The following FBXL2 variants were observed in gnomAD, a reference collection of about 807,000 sequenced individuals.
FBXL2 encodes F-box/LRR-repeat protein 2.
FBXL2 carries 38 observed loss-of-function variants against 69.2 expected under a neutral mutation model. The observed-to-expected ratio is 0.55, with a 90% CI of 0.42 to 0.72. The LOEUF is 0.72. Ranked by LOEUF, FBXL2 falls within the 30% of genes least tolerant of loss-of-function variation. The pLI, the probability that FBXL2 is intolerant of heterozygous loss-of-function variation, is 0.00. For missense variants in FBXL2, 354 were observed against 520.3 expected, an observed-to-expected ratio of 0.68 and a Z score of 3.11; for synonymous variants, 192 against 201.3, an observed-to-expected ratio of 0.95 and a Z score of 0.39.
chr3:33,384,965 T>C (rs1468711591), intron 14 of FBXL2, among the ~76,000 whole-genome samples: 2 of 151,696 alleles, frequency 1.3e-5, no homozygotes, highest in African/African-American at 4.8e-5. Context: ...GAGGTGGAGG[T>C]TGCAGTGAGC....
At chr3:33,372,954 G>C (rs984628996) in intron 5 of FBXL2, 138 bp from the exon 6 acceptor site, 5 of 755,434 alleles carry the variant, frequency 6.6e-6, no homozygotes, top group Non-Finnish European at 1.2e-5. Flanking sequence ...AATCTGCACT[G>C]TGACAAGAAC....
chr3:33,305,734 T>G (rs1246815773), intron 2 of FBXL2, among the ~76,000 whole-genome samples: 1 of 151,996 alleles, frequency 6.6e-6, no homozygotes, highest in Non-Finnish European at 1.5e-5. Flanking sequence ...ATGAATAGTA[T>G]TTTTCAAGCT....
intron 14 of FBXL2, 73 bp downstream of exon 14, chr3:33,384,274 C>T (rs182135713): frequency 9.2e-5 from 135 of 1,470,304 alleles, no homozygotes; most frequent in South Asian, 1.4e-4. Context: ...AGAATCAGAC[C>T]GGGGCTAGGC....
the FBXL2 span, among the ~76,000 whole-genome samples, chr3:33,419,247 C>T: frequency 6.6e-6 from 1 of 152,126 alleles, no homozygotes; most frequent in Non-Finnish European, 1.5e-5. Context: ...GTAATCCTAG[C>T]ACTTTGGGAG....
At chr3:33,313,844 C>G (rs905140591) in intron 2 of FBXL2, among the ~76,000 whole-genome samples, 2 of 152,144 alleles carry the variant, frequency 1.3e-5, no homozygotes, top group African/African-American at 4.8e-5. Context: ...GAAGATATCT[C>G]AGGTGTTAAT....
chr3:33,369,599 A>G (rs938220816), intron 5 of FBXL2, among the ~76,000 whole-genome samples: 2 of 151,780 alleles, frequency 1.3e-5, no homozygotes, highest in African/African-American at 4.8e-5. Context: ...TAAGAGATTT[A>G]TTATTATCAT....
chr3:33,378,572 G>C, intron 12 of FBXL2, 113 bp from the exon 13 acceptor site: 1 of 1,067,580 alleles, frequency 9.4e-7, no homozygotes, highest in Non-Finnish European at 1.4e-6. Flanking sequence ...CAGAGTGTTT[G>C]AGATGAGTTT....
At chr3:33,337,544 G>C (rs1268894996) in intron 2 of FBXL2, among the ~76,000 whole-genome samples, 1 of 152,146 alleles carries the variant, frequency 6.6e-6, no homozygotes, top group East Asian at 1.9e-4. Flanking sequence ...TTCATGGAAG[G>C]ATAAATTGGC....
At chr3:33,338,241 C>G (rs1251002272) in intron 2 of FBXL2, among the ~76,000 whole-genome samples, 1 of 151,870 alleles carries the variant, frequency 6.6e-6, no homozygotes, top group Non-Finnish European at 1.5e-5. Flanking sequence ...GTGAAACCCT[C>G]TCTCTACTAA....
chr3:33,378,685 A>G lies in FBXL2; in HGVS notation c.895A>G (p.Ile299Val), dbSNP rs1198018362. Residue 299 changes from isoleucine to valine, a missense_variant and splice_region_variant, in exon 13 of 15, where the codon ATA (isoleucine) becomes GTA (valine). Physicochemically the swap from Ile to Val is conservative, Grantham distance 29. Coordinates refer to ENST00000484457, the MANE Select transcript of FBXL2 (RefSeq NM_012157.5). ...EKMDLEECIL[I>V]TDSTLIQLSI... ...ACTGACACAGCATGTTTCTCTCCAG[A>G]TAACCGACAGCACACTCATCCAGCT... 6.2e-7 allele frequency: 1 copy of G among 1,612,620 alleles called. No homozygotes were observed. The highest frequency in any genetic ancestry group is 1.1e-5 in the South Asian group (1 of 90,508).
At chr3:33,371,470 C>T (rs114305960) in intron 5 of FBXL2, among the ~76,000 whole-genome samples, 1,979 of 152,010 alleles carry the variant, frequency 0.013, 42 homozygotes, top group African/African-American at 0.045. Context: ...TGCATCTGGC[C>T]GGTTTTCATA....
At chr3:33,321,290 A>C (rs191232042) in intron 2 of FBXL2, among the ~76,000 whole-genome samples, 1,902 of 151,470 alleles carry the variant, frequency 0.013, 37 homozygotes, top group African/African-American at 0.044. Context: ...AGCCTGGGTG[A>C]CAGAGCCTGA....
At chr3:33,343,123 A>T (rs1428768873) in intron 2 of FBXL2, among the ~76,000 whole-genome samples, 1 of 151,818 alleles carries the variant, frequency 6.6e-6, no homozygotes, top group Non-Finnish European at 1.5e-5. Context: ...GCAGGTACTC[A>T]TGAATTAGTA....
chr3:33,356,515 A>G, intron 2 of FBXL2, among the ~76,000 whole-genome samples: 1 of 151,960 alleles, frequency 6.6e-6, no homozygotes, highest in Middle Eastern at 3.2e-3. Context: ...ACGCCCAGCT[A>G]ATTTTTATAT....
At chr3:33,295,412 T>C (rs188816665) in intron 1 of FBXL2, among the ~76,000 whole-genome samples, 1 of 152,344 alleles carries the variant, frequency 6.6e-6, no homozygotes, top group East Asian at 1.9e-4. Flanking sequence ...ACATGTATCA[T>C]TACTTAATTC....
chr3:33,365,339 GC>G (rs2154043606), intron 5 of FBXL2, among the ~76,000 whole-genome samples: 1 of 151,360 alleles, frequency 6.6e-6, no homozygotes, highest in South Asian at 2.1e-4. Context: ...GAGTGCAACG[GC>G]ACAATCTCAA....
At chr3:33,422,252 C>T in the FBXL2 span, among the ~76,000 whole-genome samples, 9 of 152,052 alleles carry the variant, frequency 5.9e-5, no homozygotes, top group East Asian at 1.9e-4. Flanking sequence ...GCTATGAATC[C>T]TCTCATTAGA....
chr3:33,414,444 A>G, the FBXL2 span, among the ~76,000 whole-genome samples: 1 of 152,176 alleles, frequency 6.6e-6, no homozygotes, highest in African/African-American at 2.4e-5. Context: ...ATAGGACAAA[A>G]AAAGACGAAA....
downstream of FBXL2, chr3:33,392,718 A>G: frequency 9.4e-7 from 1 of 1,067,392 alleles, no homozygotes; most frequent in Middle Eastern, 2.1e-4. Flanking sequence ...CACAGGACTC[A>G]ATGGCCAAAA....
Sources: gnomAD v4.1 joint callset for allele counts (sites outside exome capture counted in the v4.1 genomes callset) on GRCh38, gnomAD v4.1.1 for gene constraint, MANE v1.5 for transcripts, NCBI Gene and HGNC (gene_info 2026-07-23, HGNC 2026-07-21) for gene names.